Variants in CCDC88B observed in about 807,000 individuals in gnomAD.
The protein encoded by CCDC88B is coiled-coil and HOOK domain protein 88B, also known as coiled-coil domain-containing protein 88B.
A neutral mutation model predicts 183.7 loss-of-function variants in CCDC88B; 138 were observed. The ratio of observed to expected loss-of-function variants is 0.75; its 90% CI spans 0.65 to 0.87. CCDC88B has a LOEUF of 0.87. Among genes scored for constraint, CCDC88B ranks in the 40% least tolerant of loss-of-function variants. The probability of loss-of-function intolerance (pLI) is 0.00; values close to 1 mark genes in which losing one functional copy is unlikely to be tolerated. For missense variants in CCDC88B, 1,822 were observed against 1,965.6 expected, an observed-to-expected ratio of 0.93 and a Z score of 1.38; for synonymous variants, 835 against 867.5, an observed-to-expected ratio of 0.96 and a Z score of 0.66.
In CCDC88B at chr11:64,344,974, G is replaced by C. The variant is rs564837359; in HGVS notation, c.2433G>C (p.Arg811=). 65 of 1,549,154 alleles carry C rather than the reference G, an allele frequency of 4.2e-5. No homozygotes were observed. The highest frequency in any genetic ancestry group is 5.2e-5 in the Non-Finnish European group (60 of 1,148,254). The change falls in exon 14 of 27, where the codon CGG becomes CGC. Residue 811 remains arginine (R), a synonymous_variant. Coordinates refer to ENST00000356786, the MANE Select transcript of CCDC88B (RefSeq NM_032251.6). The surrounding 1 kb of genome is among the most constrained non-coding windows in gnomAD (Gnocchi z 4.5). ...AGCTGGAGTCTGCGTCCCAGGAACG[G>C]GAGGCGCTGGTGGAGGCGCTGGCAG... is the stretch of plus-strand genomic sequence containing the variant. ...GQELESASQE[R]EALVEALAAA...
Position 64,352,187 on chromosome 11 carries a change from C to T in CCDC88B, c.3157C>T (p.Leu1053=). The change falls in exon 19 of 27, where the codon CTG becomes TTG. Residue 1053 remains leucine (L), a synonymous_variant. Coordinates refer to ENST00000356786, the MANE Select transcript of CCDC88B (RefSeq NM_032251.6). ...GGAGCTGCACCGGAAGCTGGAGGTGCTGGAGGAGGAGGTGCGGGCGGCACG... is the reference window on the plus strand; with the variant it reads ...GGAGCTGCACCGGAAGCTGGAGGTGTTGGAGGAGGAGGTGCGGGCGGCACG... ...GQELHRKLEV[L]EEEVRAARQS... 6.2e-7 allele frequency: 1 copy of T among 1,606,750 alleles called. No individual in the cohort carries two copies. Among genetic ancestry groups the T allele is most frequent in the Non-Finnish European group, 8.5e-7 (1 of 1,174,786 alleles).
intron 22 of CCDC88B, 40 bp from the exon 23 acceptor site, chr11:64,353,675 C>A (rs1006692373): frequency 1.2e-6 from 2 of 1,610,000 alleles, no homozygotes; most frequent in South Asian, 2.2e-5. Context: ...CTCGGCCTCC[C>A]TGGGCCTCAC....
At chr11:64,343,083 G>A in intron 10 of CCDC88B, 96 bp from the exon 11 acceptor site, 1 of 1,378,244 alleles carries the variant, frequency 7.3e-7, no homozygotes, top group Non-Finnish European at 9.6e-7. Flanking sequence ...AGGGAGGCAG[G>A]GTCTGTGACA....
intron 11 of CCDC88B, 81 bp downstream of exon 11, chr11:64,343,406 C>A: frequency 3.9e-6 from 6 of 1,539,102 alleles, no homozygotes; most frequent in Admixed American, 2.0e-5. Context: ...CCTAGTGATT[C>A]TTGCAACCTC....
At chr11:64,345,972 T>A (rs927997155) in intron 14 of CCDC88B, among the ~76,000 whole-genome samples, 1 of 152,060 alleles carries the variant, frequency 6.6e-6, no homozygotes, top group South Asian at 2.1e-4. Context: ...GCCACTATAC[T>A]CCAGCCTGGG....
rs1185132784 is a variant in CCDC88B, at chr11:64,341,416, C to T, written c.448-5C>T. ...GCACCAGCTCCCCTTCCTGTCTCCC[C>T]TCAGTGTGAGCACCGGGAACTCTTC... On this transcript the variant is annotated splice_region_variant and splice_polypyrimidine_tract_variant and intron_variant, in intron 5 of 26. Coordinates refer to ENST00000356786, the MANE Select transcript of CCDC88B (RefSeq NM_032251.6). The T allele has an allele frequency of 2.5e-6, 4 of 1,613,912 alleles. No individual in the cohort carries two copies. The highest frequency in any genetic ancestry group is 2.7e-5 in the African/African-American group (2 of 74,906).
Position 64,345,048 on chromosome 11 carries a change from G to T in CCDC88B, c.2507G>T (p.Arg836Leu). 6.5e-7 allele frequency: 1 copy of T among 1,548,710 alleles called. No individual in the cohort carries two copies. Among genetic ancestry groups the T allele is most frequent in the Non-Finnish European group, 8.7e-7 (1 of 1,149,280 alleles). The change falls in exon 14 of 27, where the codon CGG (arginine) becomes CTG (leucine). Residue 836 changes from arginine (R) to leucine (L), a missense_variant. Physicochemically the swap from Arg to Leu is moderately radical, Grantham distance 102 (BLOSUM62 -2). Coordinates refer to ENST00000356786, the MANE Select transcript of CCDC88B (RefSeq NM_032251.6). ...RQWEREGSRL[R>L]AQSEAAEERM... ...TGGGAGCGTGAGGGGTCCAGGCTGC[G>T]GGCCCAGTCGGAGGCCGCCGAGGAA...
rs779903561 is a variant in CCDC88B, at chr11:64,341,563, CGCGGCTTCCACTGAACTGCTCTTCCT to C, written c.532-32_532-7del. On this transcript the variant is annotated splice_polypyrimidine_tract_variant and intron_variant, in intron 6 of 26. Coordinates refer to ENST00000356786, the MANE Select transcript of CCDC88B (RefSeq NM_032251.6). ...GGCACCTGGGACGCCCTTGCCACACCGCGGCTTCCACTGAACTGCTCTTCCTGCGCCCCAGGTGACCCAGCCGGGGG... is the reference window on the plus strand; with the variant it reads ...GGCACCTGGGACGCCCTTGCCACACCGCGCCCCAGGTGACCCAGCCGGGGG... 2 of 1,609,304 alleles carry C rather than the reference CGCGGCTTCCACTGAACTGCTCTTCCT, an allele frequency of 1.2e-6. No individual in the cohort carries two copies. The highest frequency in any genetic ancestry group is 1.7e-6 in the Non-Finnish European group (2 of 1,177,714).
Position 64,355,220 on chromosome 11 carries a change from C to T in CCDC88B, c.4126C>T (p.Arg1376Trp), listed in dbSNP as rs1380971944. 6.0e-6 allele frequency: 9 copies of T among 1,505,154 alleles called. No individual in the cohort carries two copies. The highest frequency in any genetic ancestry group is 2.7e-5 in the South Asian group (2 of 72,836). The allele number at this position is 1,505,154 out of a possible 1,614,324, so 93.2% of individuals were successfully genotyped here. A position where few individuals can be genotyped will look rare whatever the true frequency, so the allele number is the denominator to read the frequency against. The change falls in exon 25 of 27, where the codon CGG (arginine) becomes TGG (tryptophan). Residue 1376 changes from arginine to tryptophan, a missense_variant. Physicochemically the swap from Arg to Trp is moderately radical, Grantham distance 101. Transcript: ENST00000356786. ...GTCCCCTTCCCCGGCACCCATGCGC[C>T]GGGCCCAGAGCTCCCTCTGCCTGCG... Reference protein sequence around the residue: ...TGSPSPAPMRRAQSSLCLRDE... With the variant: ...TGSPSPAPMRWAQSSLCLRDE...
chr11:64,341,811 A>T, intron 7 of CCDC88B, 69 bp downstream of exon 7: 1 of 1,528,950 alleles, frequency 6.5e-7, no homozygotes, highest in Non-Finnish European at 8.7e-7. Context: ...CCGGTTGTGC[A>T]AGGGAGATGG....
At chr11:64,349,721 C>T in intron 16 of CCDC88B, 53 bp downstream of exon 16, 1 of 1,490,810 alleles carries the variant, frequency 6.7e-7, no homozygotes, top group Admixed American at 1.9e-5. Context: ...CCCTCCATCC[C>T]ATGAGCAGAT....
At chr11:64,345,427 C>A (rs2036071230) in intron 14 of CCDC88B, among the ~76,000 whole-genome samples, 1 of 152,166 alleles carries the variant, frequency 6.6e-6, no homozygotes, top group Non-Finnish European at 1.5e-5. Context: ...TCACCTCCAC[C>A]CCAGGCATCC....
At chr11:64,352,723 T>C (rs765532776) in intron 19 of CCDC88B, 21 bp from the exon 20 acceptor site, 110 of 1,613,102 alleles carry the variant, frequency 6.8e-5, no homozygotes, top group Non-Finnish European at 8.9e-5. Context: ...CACAGCCCTC[T>C]TAGCCCCTTG....
At chr11:64,342,241 A>G in intron 8 of CCDC88B, 53 bp from the exon 9 acceptor site, 1 of 1,575,594 alleles carries the variant, frequency 6.3e-7, no homozygotes, top group African/African-American at 1.3e-5. Context: ...AGGCCTGGGA[A>G]GGGCTGGGGG....
At chr11:64,352,059 C>T in intron 18 of CCDC88B, 71 bp from the exon 19 acceptor site, 1 of 1,512,828 alleles carries the variant, frequency 6.6e-7, no homozygotes, top group Non-Finnish European at 8.9e-7. Context: ...TGCCCTTAGC[C>T]CCCCGCCTCT....
Position 64,341,008 on chromosome 11 carries a change from AC to A in CCDC88B, c.309del (p.Phe104SerfsTer9). The A allele has an allele frequency of 6.2e-7, 1 of 1,610,346 alleles. No individual in the cohort carries two copies. The highest frequency in any genetic ancestry group is 8.5e-7 in the Non-Finnish European group (1 of 1,177,886). Reference sequence around the variant, plus strand: ...AACCACCTGTGGGGCCGACTGAGGGACTTCTACCAGGTAAGGGGTCTCGAGG... The same window carrying A: ...AACCACCTGTGGGGCCGACTGAGGGATTCTACCAGGTAAGGGGTCTCGAGG... Reference protein sequence around the residue: ...NLNHLWGRLRDFYQEELQLLI... With the variant: ...NLNHLWGRLRXFYQEELQLLI... On this transcript the variant is annotated frameshift_variant, in exon 3 of 27. Transcript: ENST00000356786. LOFTEE classifies it high-confidence loss of function.
At chr11:64,343,460 C>A (rs12808002) in intron 11 of CCDC88B, 47 bp from the exon 12 acceptor site, 3 of 1,544,234 alleles carry the variant, frequency 1.9e-6, no homozygotes, top group Admixed American at 2.0e-5. Context: ...ACACACTCGG[C>A]CTGGCCATGG....
intron 11 of CCDC88B, 52 bp from the exon 12 acceptor site, chr11:64,343,455 C>T: frequency 6.5e-7 from 1 of 1,545,876 alleles, no homozygotes. Context: ...GACCTACACA[C>T]TCGGCCTGGC....
chr11:64,352,912 G>C (rs1443628367), intron 20 of CCDC88B, 25 bp downstream of exon 20: 1 of 1,547,698 alleles, frequency 6.5e-7, no homozygotes, highest in East Asian at 2.3e-5. Flanking sequence ...ACAGCCTCTA[G>C]CAGCTCTCAG....
Sources: gnomAD v4.1 joint callset for allele counts (sites outside exome capture counted in the v4.1 genomes callset) on GRCh38, gnomAD v4.1.1 for gene constraint, Gnocchi (gnomAD v3.1) non-coding constraint, MANE v1.5 for transcripts, NCBI Gene and HGNC (gene_info 2026-07-23, HGNC 2026-07-21) for gene names.